Variants in ZNF226 observed in about 807,000 individuals in gnomAD.
The protein encoded by ZNF226 is zinc finger protein 226, also known as Kruppel-associated box protein.
A neutral mutation model predicts 11.4 loss-of-function variants in ZNF226; 6 were observed. The ratio of observed to expected loss-of-function variants is 0.53; its 90% CI spans 0.29 to 1.04. The LOEUF is 1.04. ZNF226 is among the 50% of genes least tolerant of loss of function. ZNF226 has a pLI of 0.08. For missense variants in ZNF226, 1,058 were observed against 956.5 expected, an observed-to-expected ratio of 1.11 and a Z score of -1.40; for synonymous variants, 350 against 322.8, an observed-to-expected ratio of 1.08 and a Z score of -0.90.
chr19:44,169,862 T>C (rs1599721851), intron 2 of ZNF226, among the ~76,000 whole-genome samples, 173 bp from the exon 3 acceptor site: 1 of 152,346 alleles, frequency 6.6e-6, no homozygotes, highest in Admixed American at 6.5e-5. Context: ...GGTTCTGAAC[T>C]ACTGCTGAAA....
intron 2 of ZNF226, among the ~76,000 whole-genome samples, chr19:44,166,155 T>C (rs954136901): frequency 2.6e-5 from 4 of 152,160 alleles, no homozygotes; most frequent in Admixed American, 1.3e-4. Flanking sequence ...TGAAAATAGG[T>C]TGGGACTTCA....
chr19:44,168,486 C>T (rs904824262), intron 2 of ZNF226, among the ~76,000 whole-genome samples: 133 of 152,258 alleles, frequency 8.7e-4, no homozygotes, highest in Non-Finnish European at 2.2e-4. Flanking sequence ...ATGCATTGCA[C>T]TTAGTTTTGG....
the ZNF226 span, among the ~76,000 whole-genome samples, chr19:44,187,394 A>G: frequency 2.4e-4 from 36 of 151,824 alleles, no homozygotes; most frequent in Admixed American, 2.2e-3. This position sits in a 1 kb window ranked among gnomAD's most constrained non-coding sequence, Gnocchi z 4.0. Flanking sequence ...AGGTTATCCA[A>G]TCTGTTGGTG....
chr19:44,185,611 G>T, the ZNF226 span, among the ~76,000 whole-genome samples: 25,401 of 150,710 alleles, frequency 0.17, 5,456 homozygotes, highest in African/African-American at 0.49. Context: ...GGGTTTTTTT[G>T]TTGTTGTTGT....
intron 3 of ZNF226, among the ~76,000 whole-genome samples, chr19:44,171,816 G>A (rs1203510302): frequency 1.3e-5 from 2 of 152,174 alleles, no homozygotes; most frequent in Non-Finnish European, 2.9e-5. Flanking sequence ...AACCTTTCTG[G>A]GGAAATTGGC....
chr19:44,177,406 A>G lies in ZNF226; in HGVS notation c.2144A>G (p.Gln715Arg). 1 of 1,614,140 alleles carries G rather than the reference A, an allele frequency of 6.2e-7. No homozygotes were observed. Among genetic ancestry groups the G allele is most frequent in the Non-Finnish European group, 8.5e-7 (1 of 1,180,020 alleles). The change falls in exon 6 of 6, where the codon CAA becomes CGA. Residue 715 changes from glutamine (Q) to arginine (R), a missense_variant. Physicochemically the swap from Gln to Arg is conservative, Grantham distance 43. Transcript: ENST00000337433. The stretch of plus-strand genomic sequence containing the variant: ...TACTTCAGTCAGGCCTCAAGTCTTC[A>G]ACTTCATCAGAGTGTCCACACAGGA... Reference protein sequence around the residue: ...GKYFSQASSLQLHQSVHTGEK... With the variant: ...GKYFSQASSLRLHQSVHTGEK...
chr19:44,192,551 AT>A, the ZNF226 span, among the ~76,000 whole-genome samples: 21,368 of 152,182 alleles, frequency 0.14, 3,823 homozygotes, highest in African/African-American at 0.41. Context: ...CAAAAACCTA[AT>A]TAAAGACAAC....
the ZNF226 span, among the ~76,000 whole-genome samples, chr19:44,192,831 T>C: frequency 2.0e-5 from 3 of 152,178 alleles, no homozygotes; most frequent in South Asian, 6.2e-4. Context: ...TAAAATCACA[T>C]AAATACATCA....
intron 4 of ZNF226, 77 bp from the exon 5 acceptor site, chr19:44,172,783 G>A (rs1248844038): frequency 8.6e-7 from 1 of 1,167,958 alleles, no homozygotes; most frequent in African/African-American, 1.6e-5. Context: ...TCTTGAATGT[G>A]CAGTTGCAAC....
the ZNF226 span, among the ~76,000 whole-genome samples, chr19:44,193,286 C>T: frequency 6.6e-6 from 1 of 151,642 alleles, no homozygotes; most frequent in Non-Finnish European, 1.5e-5. Context: ...CATACAGAAA[C>T]ACAAAAAGAT....
Position 44,177,237 on chromosome 19 carries a change from C to T in ZNF226, c.1975C>T (p.Gln659Ter). ...GKSFGRSAHL[Q>*]AHQKVHTGDK... The stretch of plus-strand genomic sequence containing the variant: ...GAGTTTCGGTCGGAGTGCACATCTT[C>T]AAGCCCATCAAAAAGTCCACACTGG... Residue 659 changes from glutamine to a stop codon, truncating the protein, a stop_gained, in exon 6 of 6, where the codon CAA (glutamine) becomes TAA (stop). Coordinates refer to ENST00000337433, the MANE Select transcript of ZNF226 (RefSeq NM_001032373.2). LOFTEE classifies it low-confidence loss of function (END_TRUNC). 1 of 1,613,896 alleles carries T rather than the reference C, an allele frequency of 6.2e-7. No individual in the cohort carries two copies. Among genetic ancestry groups the T allele is most frequent in the Non-Finnish European group, 8.5e-7 (1 of 1,179,974 alleles).
At chr19:44,167,080 G>A (rs1249184953) in intron 2 of ZNF226, among the ~76,000 whole-genome samples, 2 of 152,136 alleles carry the variant, frequency 1.3e-5, no homozygotes, top group Non-Finnish European at 2.9e-5. Context: ...GACATGAGTA[G>A]AAGGCAGCTG....
chr19:44,199,141 A>AT, the ZNF226 span, among the ~76,000 whole-genome samples: 1 of 152,012 alleles, frequency 6.6e-6, no homozygotes, highest in African/African-American at 2.4e-5. Context: ...GTCTAGAATG[A>AT]TTTTATCAAA....
In ZNF226 at chr19:44,175,896, C is replaced by G; in HGVS notation, c.634C>G (p.His212Asp). Residue 212 changes from histidine to aspartate, a missense_variant, in exon 6 of 6, where the codon CAT becomes GAT. Transcript: ENST00000337433. ...TGATCCCATCGGTTGGATTTCACAT[C>G]ATGATGGTCATAGAGTACACAAAAG... ...GVDPIGWISH[H>D]DGHRVHKSEK... 6.2e-7 allele frequency: 1 copy of G among 1,612,878 alleles called. No individual in the cohort carries two copies. Among genetic ancestry groups the G allele is most frequent in the Non-Finnish European group, 8.5e-7 (1 of 1,179,544 alleles).
chr19:44,187,281 G>T, the ZNF226 span, among the ~76,000 whole-genome samples: 1 of 151,946 alleles, frequency 6.6e-6, no homozygotes. This position sits in a 1 kb window ranked among gnomAD's most constrained non-coding sequence, Gnocchi z 4.0. Context: ...TGATGACTAC[G>T]TCCAATGCCT....
chr19:44,191,765 TA>T, the ZNF226 span, among the ~76,000 whole-genome samples: 28 of 145,772 alleles, frequency 1.9e-4, no homozygotes, highest in East Asian at 2.0e-4. Context: ...TTACATGGAT[TA>T]AAAAAAAAAA....
intron 4 of ZNF226, 89 bp from the exon 5 acceptor site, chr19:44,172,771 T>A: frequency 1.0e-6 from 1 of 1,001,274 alleles, no homozygotes; most frequent in Non-Finnish European, 1.5e-6. Flanking sequence ...CTGCTTTCAG[T>A]GTCTTGAATG....
the ZNF226 span, among the ~76,000 whole-genome samples, chr19:44,189,692 C>G: frequency 6.6e-6 from 1 of 152,220 alleles, no homozygotes; most frequent in East Asian, 1.9e-4. Flanking sequence ...CACCATTATC[C>G]TGCCCAGTGA....
the ZNF226 span, among the ~76,000 whole-genome samples, chr19:44,184,787 C>G: frequency 6.6e-6 from 1 of 152,068 alleles, no homozygotes; most frequent in East Asian, 1.9e-4. Context: ...ACTAAATTTA[C>G]CATCTTAACC....
Sources: allele counts gnomAD v4.1 joint callset (sites outside exome capture counted in the v4.1 genomes callset), GRCh38; gene constraint gnomAD v4.1.1; non-coding constraint Gnocchi (gnomAD v3.1); transcripts MANE v1.5; gene names NCBI Gene and HGNC (gene_info 2026-07-23, HGNC 2026-07-21).